DOK5: variants seen among roughly 807,000 people sequenced by gnomAD.
DOK5 encodes the protein docking protein 5.
DOK5 carries 27 observed loss-of-function variants against 43.3 expected under a neutral mutation model. The observed-to-expected ratio is 0.62, with a 90% CI of 0.46 to 0.86. The LOEUF is 0.86. DOK5 is among the 40% of genes least tolerant of loss of function. The probability of loss-of-function intolerance (pLI) is 0.00; values close to 1 mark genes in which losing one functional copy is unlikely to be tolerated. For missense variants in DOK5, 373 were observed against 392.9 expected (o/e 0.95, Z 0.43); for synonymous variants, 146 against 140.1 (o/e 1.04, Z -0.30).
intron 1 of DOK5, among the ~76,000 whole-genome samples, chr20:54,495,628 C>T (rs73624114): frequency 6.6e-5 from 10 of 152,270 alleles, no homozygotes; most frequent in East Asian, 1.9e-4. Context: ...CAGTGGCTCA[C>T]GCCTGTAATC....
chr20:54,617,353 C>G (rs563393554), intron 6 of DOK5, among the ~76,000 whole-genome samples: 1 of 151,682 alleles, frequency 6.6e-6, no homozygotes, highest in African/African-American at 2.4e-5. Context: ...TTTTTGGAGA[C>G]AGAGTCTTGC....
At chr20:54,482,426 A>G (rs965244380) in intron 1 of DOK5, among the ~76,000 whole-genome samples, 7 of 152,202 alleles carry the variant, frequency 4.6e-5, no homozygotes, top group African/African-American at 1.7e-4. Context: ...GAATCCATGC[A>G]TTTTTTATGG....
chr20:54,531,378 G>A (rs1265307903), intron 1 of DOK5, among the ~76,000 whole-genome samples: 1 of 152,174 alleles, frequency 6.6e-6, no homozygotes, highest in African/African-American at 2.4e-5. Context: ...AATTTTGAGT[G>A]AGTTTGGGTA....
intron 4 of DOK5, among the ~76,000 whole-genome samples, chr20:54,590,895 A>G (rs1985957218): frequency 6.6e-6 from 1 of 152,228 alleles, no homozygotes; most frequent in Admixed American, 6.5e-5. Flanking sequence ...GAAATATAAC[A>G]GAAATATGGT....
chr20:54,616,109 C>T (rs1986799769), intron 6 of DOK5, among the ~76,000 whole-genome samples: 1 of 152,102 alleles, frequency 6.6e-6, no homozygotes, highest in Non-Finnish European at 1.5e-5. Flanking sequence ...AATAACAAAA[C>T]AAGAATGTGT....
chr20:54,610,665 A>G (rs1986617613), intron 6 of DOK5, 142 bp downstream of exon 6: 24 of 1,020,212 alleles, frequency 2.4e-5, no homozygotes, highest in Non-Finnish European at 2.9e-5. Flanking sequence ...CTTGGATTAA[A>G]TGGCATTCCA....
chr20:54,554,127 T>C (rs1984631072), intron 1 of DOK5, among the ~76,000 whole-genome samples: 1 of 152,136 alleles, frequency 6.6e-6, no homozygotes, highest in African/African-American at 2.4e-5. Context: ...TAATTAAAAG[T>C]TGCAGTGATG....
intron 7 of DOK5, among the ~76,000 whole-genome samples, chr20:54,648,964 A>G (rs1180527278): frequency 6.6e-6 from 1 of 152,190 alleles, no homozygotes; most frequent in Non-Finnish European, 1.5e-5. Context: ...TTCTGTGGGA[A>G]TTGCCTTGGA....
At chr20:54,551,175 CT>C (rs1984517899) in intron 1 of DOK5, among the ~76,000 whole-genome samples, 2 of 152,176 alleles carry the variant, frequency 1.3e-5, no homozygotes, top group Admixed American at 1.3e-4. Context: ...TTTTCATGTG[CT>C]TCTTGAACAT....
At chr20:54,526,069 C>T (rs1003599970) in intron 1 of DOK5, among the ~76,000 whole-genome samples, 1 of 152,074 alleles carries the variant, frequency 6.6e-6, no homozygotes, top group African/African-American at 2.4e-5. Context: ...GTCTAGCTGC[C>T]TCTCCCATTA....
Position 54,615,974 on chromosome 20 carries a change from A to G in DOK5, c.735+5451A>G, listed in dbSNP as rs576907797. On this transcript the variant is annotated intron_variant, in intron 6 of 7. Coordinates refer to ENST00000262593, the MANE Select transcript of DOK5 (RefSeq NM_018431.5). The stretch of plus-strand genomic sequence containing the variant: ...AGCCAGCCCTGTTGATGCCTTGACC[A>G]CAGCCAAGAGAAACTGATTTGGGAC... 2.6e-5 allele frequency among the ~76,000 whole-genome samples: 4 copies of G among 152,104 alleles called. 1 individual carries two copies. The South Asian group carries it at 8.3e-4, about 32-fold the overall frequency.
chr20:54,613,167 C>G (rs963878268), intron 6 of DOK5, among the ~76,000 whole-genome samples: 5 of 151,572 alleles, frequency 3.3e-5, no homozygotes, highest in African/African-American at 1.2e-4. Flanking sequence ...GTAACAACAT[C>G]TAAGCCCATT....
intron 1 of DOK5, among the ~76,000 whole-genome samples, chr20:54,524,558 G>C (rs1983517872): frequency 6.6e-6 from 1 of 152,122 alleles, no homozygotes; most frequent in African/African-American, 2.4e-5. Flanking sequence ...ACCATACTGT[G>C]GGGTAGCTAT....
intron 1 of DOK5, among the ~76,000 whole-genome samples, chr20:54,542,022 C>A: frequency 6.6e-6 from 1 of 151,774 alleles, no homozygotes; most frequent in South Asian, 2.1e-4. Context: ...TCACAATACC[C>A]ACCACTAGCA....
chr20:54,508,177 A>G (rs1377996124), intron 1 of DOK5, among the ~76,000 whole-genome samples: 1 of 152,136 alleles, frequency 6.6e-6, no homozygotes, highest in African/African-American at 2.4e-5. Context: ...TTCTGATTAT[A>G]CAATGCATGC....
intron 1 of DOK5, among the ~76,000 whole-genome samples, chr20:54,530,545 C>T (rs1222927827): frequency 6.6e-6 from 1 of 152,180 alleles, no homozygotes; most frequent in Admixed American, 6.5e-5. Context: ...AACCAAGCCT[C>T]CTCTTCTCTA....
chr20:54,621,254 T>C (rs1986967714), intron 6 of DOK5, among the ~76,000 whole-genome samples: 1 of 152,192 alleles, frequency 6.6e-6, no homozygotes, highest in South Asian at 2.1e-4. Flanking sequence ...ACTTTATGTC[T>C]TTCTCTTTGT....
Position 54,591,756 on chromosome 20 carries a change from CT to C in DOK5, c.551del (p.Leu184ArgfsTer47). On this transcript the variant is annotated frameshift_variant, in exon 5 of 8. Coordinates refer to ENST00000262593, the MANE Select transcript of DOK5 (RefSeq NM_018431.5). LOFTEE classifies it high-confidence loss of function. ...ACTCATCTCTTGGCCGCTAAGCGCC[CT>C]GCGGCGGTATGGACGTGATACTACG... ...VKLISWPLSA[L>X]RRYGRDTTWF... 1.2e-6 allele frequency: 2 copies of C among 1,614,224 alleles called. No individual in the cohort carries two copies. The highest frequency in any genetic ancestry group is 1.7e-6 in the Non-Finnish European group (2 of 1,180,038).
chr20:54,509,106 C>T (rs1199579527), intron 1 of DOK5, among the ~76,000 whole-genome samples: 3 of 152,150 alleles, frequency 2.0e-5, no homozygotes, highest in Non-Finnish European at 2.9e-5. Flanking sequence ...GAACTCCCGA[C>T]CTCAAGTGAT....
Sources: gnomAD v4.1 joint callset for allele counts (sites outside exome capture counted in the v4.1 genomes callset) on GRCh38, gnomAD v4.1.1 for gene constraint, MANE v1.5 for transcripts, NCBI Gene and HGNC (gene_info 2026-07-23, HGNC 2026-07-21) for gene names.